INPP4B: variants seen among roughly 807,000 people sequenced by gnomAD.
INPP4B encodes inositol polyphosphate-4-phosphatase type II B.
Under a neutral mutation model 122.5 loss-of-function variants are expected in INPP4B, and 55 were observed. The ratio of observed to expected loss-of-function variants is 0.45; its 90% CI spans 0.36 to 0.56. INPP4B has a LOEUF of 0.56. INPP4B is among the 20% of genes least tolerant of loss of function. INPP4B has a pLI of 0.00. For missense variants in INPP4B, 1,000 were observed against 1,097.7 expected, an observed-to-expected ratio of 0.91 and a Z score of 1.26; for synonymous variants, 403 against 388.7, an observed-to-expected ratio of 1.04 and a Z score of -0.43.
chr4:142,420,070 T>A (rs1806541430), intron 5 of INPP4B, among the ~76,000 whole-genome samples: 2 of 152,016 alleles, frequency 1.3e-5, no homozygotes, highest in South Asian at 4.1e-4. Context: ...AAATAAACTG[T>A]ATGGGATATG....
At chr4:142,249,966 A>ACAAATAAG (rs1731119429) in intron 11 of INPP4B, among the ~76,000 whole-genome samples, 1 of 152,200 alleles carries the variant, frequency 6.6e-6, no homozygotes, top group Admixed American at 6.5e-5. Flanking sequence ...TTTTACTTAA[A>ACAAATAAG]CAAATAAGCA....
intron 22 of INPP4B, among the ~76,000 whole-genome samples, chr4:142,109,740 A>C (rs1446246962): frequency 1.3e-5 from 2 of 151,994 alleles, no homozygotes. Context: ...TGTTCCTTCC[A>C]CACCTTTAAT....
intron 11 of INPP4B, 71 bp downstream of exon 11, chr4:142,260,421 C>T: frequency 1.1e-6 from 1 of 912,350 alleles, no homozygotes; most frequent in Non-Finnish European, 1.8e-6. Flanking sequence ...AATGCTGGTT[C>T]AGTGTTGATT....
At chr4:142,291,644 A>G (rs1367339012) in intron 9 of INPP4B, among the ~76,000 whole-genome samples, 1 of 152,150 alleles carries the variant, frequency 6.6e-6, no homozygotes, top group Non-Finnish European at 1.5e-5. Context: ...TTGGCTCCAG[A>G]AGGAAGCCCT....
At chr4:142,045,321 C>T (rs966039663) in intron 25 of INPP4B, among the ~76,000 whole-genome samples, 25 of 152,204 alleles carry the variant, frequency 1.6e-4, no homozygotes, top group African/African-American at 5.8e-4. Flanking sequence ...ACTGTCAAAA[C>T]GATTATGCCA....
At chr4:142,602,287 T>A (rs1157436705) in intron 2 of INPP4B, among the ~76,000 whole-genome samples, 1 of 150,748 alleles carries the variant, frequency 6.6e-6, no homozygotes, top group African/African-American at 2.4e-5. Flanking sequence ...AAGTGAAGGA[T>A]CCCTTCAAGC....
chr4:142,287,193 G>A (rs552308207), intron 9 of INPP4B: 2 of 152,224 alleles, frequency 1.3e-5, no homozygotes, highest in Non-Finnish European at 2.9e-5. Context: ...GATCTATGAC[G>A]TGCTTCTGAA....
intron 1 of INPP4B, among the ~76,000 whole-genome samples, chr4:142,837,025 G>T (rs1181872153): frequency 2.6e-5 from 4 of 152,116 alleles, no homozygotes; most frequent in Non-Finnish European, 5.9e-5. Flanking sequence ...AGTTAGCAGG[G>T]CGTGGTGGCA....
chr4:142,652,988 A>G (rs1024117329), intron 2 of INPP4B, among the ~76,000 whole-genome samples: 1 of 152,246 alleles, frequency 6.6e-6, no homozygotes, highest in African/African-American at 2.4e-5. Context: ...ACAAGGCTAC[A>G]GTAACCAAAA....
intron 2 of INPP4B, among the ~76,000 whole-genome samples, chr4:142,640,622 T>C (rs113700240): frequency 0.025 from 3,826 of 151,858 alleles, 58 homozygotes; most frequent in Middle Eastern, 0.088. Context: ...TAGAGATAAA[T>C]TAAAAATTTT....
At chr4:142,339,834 C>A (rs1404382882) in intron 7 of INPP4B, among the ~76,000 whole-genome samples, 1 of 152,204 alleles carries the variant, frequency 6.6e-6, no homozygotes, top group East Asian at 1.9e-4. Flanking sequence ...TTGTATAGAT[C>A]TCTTATTTTC....
intron 5 of INPP4B, among the ~76,000 whole-genome samples, chr4:142,416,007 G>T (rs1485726740): frequency 6.6e-6 from 1 of 151,498 alleles, no homozygotes; most frequent in African/African-American, 2.4e-5. Context: ...CTGTTGTGGG[G>T]TGGGGTGAGG....
At chr4:142,064,284 A>G (rs1055795652) in intron 25 of INPP4B, among the ~76,000 whole-genome samples, 2 of 152,224 alleles carry the variant, frequency 1.3e-5, no homozygotes, top group African/African-American at 4.8e-5. Flanking sequence ...ATTAACATAC[A>G]CAATAAAATT....
intron 17 of INPP4B, among the ~76,000 whole-genome samples, chr4:142,158,077 GAA>G (rs1818147100): frequency 6.6e-6 from 1 of 151,904 alleles, no homozygotes; most frequent in Non-Finnish European, 1.5e-5. Context: ...ATAGCCTTTG[GAA>G]TATAACATGC....
At chr4:142,233,760 G>A (rs1855486617) in intron 12 of INPP4B, among the ~76,000 whole-genome samples, 1 of 151,786 alleles carries the variant, frequency 6.6e-6, no homozygotes, top group Non-Finnish European at 1.5e-5. Flanking sequence ...TTCTTAACAT[G>A]CCTAATTTAA....
rs1199946254 is a variant in INPP4B at position 142,256,458 on chromosome 4, C to A, written c.688+4034G>T. The stretch of plus-strand genomic sequence containing the variant: ...ATCAACAAAACTGATAGACCACTAG[C>A]AAGACTAATAAAGAAAAAAAGAGAG... On this transcript the variant is annotated intron_variant, in intron 11 of 25. Coordinates refer to ENST00000262992, the MANE Select transcript of INPP4B (RefSeq NM_001101669.3). Among the ~76,000 whole-genome samples the A allele has an allele frequency of 1.4e-4, 22 of 152,008 alleles. No homozygotes were observed. The East Asian group carries it at 4.2e-3, about 29-fold the overall frequency.
chr4:142,148,992 C>T lies in INPP4B; in HGVS notation c.1564-2996G>A, dbSNP rs149446875. On this transcript the variant is annotated intron_variant, in intron 17 of 25. Transcript: ENST00000262992. ...CACTCAGCAGCAGACCCTAAGCAGA[C>T]TCCTTCTATCCCTTGTCTGTTGGAG... 1.2e-3 allele frequency among the ~76,000 whole-genome samples: 182 copies of T among 152,338 alleles called. 4 individuals are homozygous for T. The East Asian group carries it at 0.028, about 23-fold the overall frequency.
chr4:142,484,742 C>T (rs901554522), intron 2 of INPP4B, among the ~76,000 whole-genome samples: 3 of 151,894 alleles, frequency 2.0e-5, no homozygotes, highest in African/African-American at 7.2e-5. Flanking sequence ...AGTTATTTTT[C>T]CTGAATCTCT....
In INPP4B at chr4:142,570,582, A is replaced by T. The variant is rs138883256; in HGVS notation, c.-190-107856T>A. 1.8e-4 allele frequency among the ~76,000 whole-genome samples: 27 copies of T among 152,228 alleles called. No individual in the cohort carries two copies. In the East Asian group the frequency reaches 5.2e-3, roughly 30 times the overall value. On this transcript the variant is annotated intron_variant, in intron 2 of 25. Transcript: ENST00000262992. ...TGACTTGATTCTGAACTTGATAAGAAATCTAACACCCAGAAGATGCTCTAT... is the reference window on the plus strand; with the variant it reads ...TGACTTGATTCTGAACTTGATAAGATATCTAACACCCAGAAGATGCTCTAT...
Sources: gnomAD v4.1 joint callset for allele counts (sites outside exome capture counted in the v4.1 genomes callset) on GRCh38, gnomAD v4.1.1 for gene constraint, MANE v1.5 for transcripts, NCBI Gene and HGNC (gene_info 2026-07-23, HGNC 2026-07-21) for gene names.